The following TSPO variants were observed in gnomAD, a reference collection of about 807,000 sequenced individuals.
The protein encoded by TSPO is benzodiazepine peripheral binding site.
In TSPO, 14 loss-of-function variants were observed where a neutral mutation model predicts 13.9. The ratio of observed to expected loss-of-function variants is 1.01; its 90% confidence interval spans 0.67 to 1.58. The LOEUF is 1.58. Among genes scored for constraint, TSPO ranks in the 40% most tolerant of loss-of-function variants. The pLI, the probability that TSPO is intolerant of heterozygous loss-of-function variation, is 0.00. For missense variants in TSPO, 232 were observed against 229.6 expected (o/e 1.01, Z -0.07); for synonymous variants, 114 against 105.9 (o/e 1.08, Z -0.47).
In TSPO at chr22:43,161,587, A is replaced by G. The variant is rs534081374; in HGVS notation, c.321+397A>G. 2.0e-4 allele frequency among the ~76,000 whole-genome samples: 30 copies of G among 151,922 alleles called. No individual in the cohort carries two copies. In the South Asian group the frequency reaches 3.1e-3, roughly 16 times the overall value. Reference sequence around the variant, plus strand: ...ACTGCAACCTCCACCTCCTGGGTTCAAGTGATTCCCTTGCCTCAGCCTCCC... The same window carrying G: ...ACTGCAACCTCCACCTCCTGGGTTCGAGTGATTCCCTTGCCTCAGCCTCCC... On this transcript the variant is annotated intron_variant, in intron 3 of 3. Transcript: ENST00000337554.
intron 1 of TSPO, among the ~76,000 whole-genome samples, chr22:43,153,445 G>A (rs1168278410): frequency 1.4e-5 from 1 of 72,804 alleles, no homozygotes; most frequent in African/African-American, 4.2e-5. Context: ...TCCGCTTCCC[G>A]GGTTCACGCC....
At chr22:43,161,284 C>T (rs1047408073) in intron 3 of TSPO, 94 bp downstream of exon 3, 19 of 1,506,362 alleles carry the variant, frequency 1.3e-5, no homozygotes, top group African/African-American at 1.4e-5. Context: ...TGTCTATAGG[C>T]GGGGCCAGGG....
intron 3 of TSPO, among the ~76,000 whole-genome samples, chr22:43,162,052 G>C (rs544524626): frequency 6.6e-6 from 1 of 151,974 alleles, no homozygotes; most frequent in East Asian, 1.9e-4. Context: ...CCAGGTTCAA[G>C]TGATTCTCCT....
chr22:43,156,308 C>A (rs1250378592), intron 1 of TSPO, among the ~76,000 whole-genome samples: 1 of 152,176 alleles, frequency 6.6e-6, no homozygotes, highest in African/African-American at 2.4e-5. Flanking sequence ...TGGGTGAGTC[C>A]CATTGTGATT....
rs1340546652 is a variant in TSPO, at chr22:43,159,247, G to A, written c.9G>A (p.Pro3=). ...CAGCAGCTGCAGCAGCCATGGCCCC[G>A]CCCTGGGTGCCCGCCATGGGCTTCA... MA[P]PWVPAMGFTL... Residue 3 remains proline, a synonymous_variant, in exon 2 of 4, where the codon CCG becomes CCA. Coordinates refer to ENST00000337554, the MANE Select transcript of TSPO (RefSeq NM_000714.6). 9.7e-6 allele frequency: 15 copies of A among 1,553,422 alleles called. No homozygotes were observed. The highest frequency in any genetic ancestry group is 1.2e-5 in the Non-Finnish European group (14 of 1,149,542).
At position 43,155,120 on chromosome 22, in the gene TSPO, G is replaced by T. The variant is rs9333320; in HGVS notation, c.-30+3516G>T. Among the ~76,000 whole-genome samples the T allele has an allele frequency of 6.4e-3, 981 of 152,218 alleles. 10 individuals carry two copies. Among genetic ancestry groups the T allele is most frequent in the African/African-American group, 0.022 (922 of 41,530 alleles). ...CGGCAGACACCCAGCTCAAAGGGAG[G>T]GGTGGGGTGGGTTTTGGAGTCACTC... On this transcript the variant is annotated intron_variant, in intron 1 of 3. Transcript: ENST00000337554.
intron 1 of TSPO, among the ~76,000 whole-genome samples, chr22:43,152,521 C>A (rs1931104162): frequency 6.6e-6 from 1 of 152,274 alleles, no homozygotes. Context: ...GTGGGCGAGG[C>A]CCGGCGTCTC....
chr22:43,157,850 A>G (rs1358650851), intron 1 of TSPO, among the ~76,000 whole-genome samples: 1 of 152,178 alleles, frequency 6.6e-6, no homozygotes, highest in Non-Finnish European at 1.5e-5. Flanking sequence ...AAAAGCGCAT[A>G]TCTATGTTAT....
chr22:43,152,838 T>C (rs1335684971), intron 1 of TSPO, among the ~76,000 whole-genome samples: 1 of 152,204 alleles, frequency 6.6e-6, no homozygotes, highest in Non-Finnish European at 1.5e-5. Context: ...AGTGTGTGTG[T>C]GCACATGTGC....
chr22:43,152,474 C>G (rs969324872), intron 1 of TSPO, among the ~76,000 whole-genome samples: 3 of 152,282 alleles, frequency 2.0e-5, no homozygotes, highest in African/African-American at 7.2e-5. Context: ...GCCTGGCACA[C>G]AGCAAGCCCT....
At chr22:43,152,766 C>T (rs753235904) in intron 1 of TSPO, among the ~76,000 whole-genome samples, 2 of 152,216 alleles carry the variant, frequency 1.3e-5, no homozygotes, top group African/African-American at 2.4e-5. Flanking sequence ...GGCCAGAACC[C>T]GTGCAGGCTG....
intron 1 of TSPO, among the ~76,000 whole-genome samples, chr22:43,153,004 T>TCCG: frequency 6.6e-6 from 1 of 152,176 alleles, no homozygotes; most frequent in African/African-American, 2.4e-5. Context: ...CTTTCTTCCT[T>TCCG]TCTTCCGTCC....
At chr22:43,161,401 G>T (rs1041489596) in intron 3 of TSPO, among the ~76,000 whole-genome samples, 3 of 152,178 alleles carry the variant, frequency 2.0e-5, no homozygotes, top group African/African-American at 7.2e-5. Flanking sequence ...GGGGTTGCAG[G>T]GGTGGGTTTG....
At chr22:43,159,780 A>G in intron 2 of TSPO, 1 of 219,894 alleles carries the variant, frequency 4.5e-6, no homozygotes, top group Non-Finnish European at 8.9e-6. Flanking sequence ...ACGCCTGCCC[A>G]GTGCCAGGCT....
intron 1 of TSPO, chr22:43,152,247 T>C (rs1931096501): frequency 6.6e-6 from 1 of 152,412 alleles, no homozygotes; most frequent in East Asian, 1.9e-4. Flanking sequence ...CTTCCTGCTG[T>C]GAACGCGCTG....
rs552628902 is a variant in TSPO, at chr22:43,152,112, C to T, written c.-30+508C>T. The stretch of plus-strand genomic sequence containing the variant: ...TTAGAGGCCCCCTGGCCCTCGATTC[C>T]CAGTGCGGGGCTCAGGTGCGTTGCA... On this transcript the variant is annotated intron_variant, in intron 1 of 3. Coordinates refer to ENST00000337554, the MANE Select transcript of TSPO (RefSeq NM_000714.6). The T allele has an allele frequency of 6.6e-5, 10 of 152,604 alleles. No individual in the cohort carries two copies. In the South Asian group the frequency reaches 2.1e-3, roughly 32 times the overall value. 9.5% of individuals were successfully genotyped at this position (152,604 alleles called of 1,614,324 possible).
intron 1 of TSPO, among the ~76,000 whole-genome samples, chr22:43,158,067 C>A (rs2147054587): frequency 6.6e-6 from 1 of 152,274 alleles, no homozygotes; most frequent in Middle Eastern, 3.4e-3. Context: ...GCAGCCGCCC[C>A]TTCTCCCTGG....
Position 43,159,277 on chromosome 22 carries a change from G to A in TSPO, c.39G>A (p.Leu13=). 1 of 1,557,446 alleles carries A rather than the reference G, an allele frequency of 6.4e-7. No individual in the cohort carries two copies. The highest frequency in any genetic ancestry group is 8.7e-7 in the Non-Finnish European group (1 of 1,151,266). ...PPWVPAMGFT[L]APSLGCFVGS... ...GGGTGCCCGCCATGGGCTTCACGCT[G>A]GCGCCCAGCCTGGGGTGCTTCGTGG... Residue 13 remains leucine, a synonymous_variant, in exon 2 of 4, where the codon CTG becomes CTA. Transcript: ENST00000337554.
At chr22:43,161,994 A>C (rs895294188) in intron 3 of TSPO, among the ~76,000 whole-genome samples, 1 of 151,644 alleles carries the variant, frequency 6.6e-6, no homozygotes, top group Admixed American at 6.6e-5. Context: ...TCTGTTGCCC[A>C]GGCTGGAGTG....
Sources: gnomAD v4.1 joint callset for allele counts (sites outside exome capture counted in the v4.1 genomes callset) on GRCh38, gnomAD v4.1.1 for gene constraint, MANE v1.5 for transcripts, NCBI Gene and HGNC (gene_info 2026-07-23, HGNC 2026-07-21) for gene names.